Variants in CLEC2D observed in about 807,000 individuals in gnomAD.
The protein encoded by CLEC2D is C-type lectin domain family 2 member D.
A neutral mutation model predicts 20.0 loss-of-function variants in CLEC2D; 16 were observed. The ratio of observed to expected loss-of-function variants is 0.80; its 90% CI spans 0.54 to 1.22. The LOEUF (loss-of-function observed/expected upper bound fraction) is 1.22. Ranked by LOEUF, CLEC2D falls within the 50% of genes most tolerant of loss-of-function variation. The pLI is 0.00. For missense variants in CLEC2D, 207 were observed against 221.5 expected, an observed-to-expected ratio of 0.93 and a Z score of 0.42; for synonymous variants, 77 against 71.1, an observed-to-expected ratio of 1.08 and a Z score of -0.42.
rs1865994282 is a variant in CLEC2D, at chr12:9,696,372, A to G, written c.*1498A>G. 2.0e-6 allele frequency: 1 copy of G among 505,844 alleles called. No individual in the cohort carries two copies. The highest frequency in any genetic ancestry group is 1.9e-5 in the African/African-American group (1 of 52,338). 31.3% of individuals were successfully genotyped at this position (505,844 alleles called of 1,614,324 possible). A position where few individuals can be genotyped will look rare whatever the true frequency, so the allele number is the denominator to read the frequency against. ...TAAATGTTGTCCAGGTTCTATTGCC[A>G]AGAATGTGTTGTCCAAAATGCCTGT... On this transcript the variant is annotated 3_prime_UTR_variant, in exon 5 of 5. Coordinates refer to ENST00000290855, the MANE Select transcript of CLEC2D (RefSeq NM_013269.6).
chr12:9,675,960 T>G (rs1865513798), intron 1 of CLEC2D, among the ~76,000 whole-genome samples: 1 of 152,248 alleles, frequency 6.6e-6, no homozygotes, highest in South Asian at 2.1e-4. Flanking sequence ...TATAGAAAAG[T>G]GATTGACTTT....
chr12:9,679,175 T>C (rs1275603374), intron 1 of CLEC2D, among the ~76,000 whole-genome samples: 1 of 152,138 alleles, frequency 6.6e-6, no homozygotes, highest in African/African-American at 2.4e-5. Context: ...ATTAAATATA[T>C]TGCTACTATT....
chr12:9,697,892 C>A lies in CLEC2D; in HGVS notation c.*3018C>A, dbSNP rs1182078758. On this transcript the variant is annotated 3_prime_UTR_variant, in exon 5 of 5. Transcript: ENST00000290855. ...ATAGTATTGCACTGTGTACTGAAAA[C>A]TTGATGACAGATTTTAGATATTCTT... 6.6e-6 allele frequency: 1 copy of A among 151,956 alleles called. No homozygotes were observed. The highest frequency in any genetic ancestry group is 6.6e-5 in the Admixed American group (1 of 15,246). 9.4% of individuals were successfully genotyped at this position (151,956 alleles called of 1,614,324 possible).
At position 9,698,359 on chromosome 12, in the gene CLEC2D, CAT is replaced by C. The variant is rs1043204420; in HGVS notation, c.*3486_*3487del. 6.6e-6 allele frequency: 1 copy of C among 152,118 alleles called. No individual in the cohort carries two copies. Among genetic ancestry groups the C allele is most frequent in the African/African-American group, 2.4e-5 (1 of 41,406 alleles). 9.4% of individuals were successfully genotyped at this position (152,118 alleles called of 1,614,324 possible). A position where few individuals can be genotyped will look rare whatever the true frequency, so the allele number is the denominator to read the frequency against. On this transcript the variant is annotated 3_prime_UTR_variant, in exon 5 of 5. Coordinates refer to ENST00000290855, the MANE Select transcript of CLEC2D (RefSeq NM_013269.6). Reference sequence around the variant, plus strand: ...TTAACTGAAACCTACTACCCTGTGACATGTGGGGAACATCTCTCTATTCCCCA... The same window carrying C: ...TTAACTGAAACCTACTACCCTGTGACGTGGGGAACATCTCTCTATTCCCCA...
chr12:9,696,252 G>A lies in CLEC2D; in HGVS notation c.*1378G>A. ...TTTAAGAAAATAGTTTAAACAATTT[G>A]TTAAAAATTTTCCATCTTATTTCAT... is the stretch of plus-strand genomic sequence containing the variant. On this transcript the variant is annotated 3_prime_UTR_variant, in exon 5 of 5. Transcript: ENST00000290855. 2.5e-6 allele frequency: 2 copies of A among 791,592 alleles called. No individual in the cohort carries two copies. Among genetic ancestry groups the A allele is most frequent in the Non-Finnish European group, 2.2e-6 (1 of 451,698 alleles). The allele number at this position is 791,592 out of a possible 1,614,324, so 49.0% of individuals were successfully genotyped here.
At chr12:9,672,183 GA>G (rs1865438048) in intron 1 of CLEC2D, among the ~76,000 whole-genome samples, 2 of 151,202 alleles carry the variant, frequency 1.3e-5, no homozygotes, top group African/African-American at 4.9e-5. Flanking sequence ...AAGAAAGAGA[GA>G]GAGCAAGAGG....
chr12:9,679,672 C>A (rs1272030958), intron 1 of CLEC2D, among the ~76,000 whole-genome samples: 1 of 152,108 alleles, frequency 6.6e-6, no homozygotes, highest in Admixed American at 6.6e-5. Flanking sequence ...GTATTTCTGT[C>A]AACTTAAACT....
Position 9,696,249 on chromosome 12 carries a change from T to C in CLEC2D, c.*1375T>C. 1 of 798,396 alleles carries C rather than the reference T, an allele frequency of 1.3e-6. No individual in the cohort carries two copies. Among genetic ancestry groups the C allele is most frequent in the Admixed American group, 1.7e-5 (1 of 57,600 alleles). 49.5% of individuals were successfully genotyped at this position (798,396 alleles called of 1,614,324 possible). On this transcript the variant is annotated 3_prime_UTR_variant, in exon 5 of 5. Coordinates refer to ENST00000290855, the MANE Select transcript of CLEC2D (RefSeq NM_013269.6). ...CTCTTTAAGAAAATAGTTTAAACAA[T>C]TTGTTAAAAATTTTCCATCTTATTT... is the stretch of plus-strand genomic sequence containing the variant.
At position 9,673,858 on chromosome 12, in the gene CLEC2D, C is replaced by T. The variant is rs779432268; in HGVS notation, c.61+4063C>T. 4.6e-5 allele frequency: 7 copies of T among 152,484 alleles called. 1 individual carries two copies. The South Asian group carries it at 1.4e-3, about 32-fold the overall frequency. The allele number at this position is 152,484 out of a possible 1,614,324, so 9.4% of individuals were successfully genotyped here. On this transcript the variant is annotated intron_variant, in intron 1 of 4. Coordinates refer to ENST00000290855, the MANE Select transcript of CLEC2D (RefSeq NM_013269.6). ...GCCAGTTTGCTGCACTGTGGGAAATCTGGCCCAGTCCAAACCTCTCAGGCT... is the reference window on the plus strand; with the variant it reads ...GCCAGTTTGCTGCACTGTGGGAAATTTGGCCCAGTCCAAACCTCTCAGGCT...
chr12:9,677,991 G>C (rs1200218121), intron 1 of CLEC2D, among the ~76,000 whole-genome samples: 2 of 151,960 alleles, frequency 1.3e-5, no homozygotes, highest in South Asian at 2.1e-4. Flanking sequence ...CCAAAGTGCT[G>C]AGATTACAGT....
chr12:9,672,060 T>G (rs1263324955), intron 1 of CLEC2D, among the ~76,000 whole-genome samples: 1 of 152,166 alleles, frequency 6.6e-6, no homozygotes, highest in Non-Finnish European at 1.5e-5. Flanking sequence ...TAATTTATAA[T>G]GAACAAAATC....
In CLEC2D at chr12:9,692,935, A is replaced by T. The variant is rs374205212; in HGVS notation, c.461+4A>T. On this transcript the variant is annotated splice_donor_region_variant and intron_variant, in intron 4 of 4. Coordinates refer to ENST00000290855, the MANE Select transcript of CLEC2D (RefSeq NM_013269.6). ...ATGGTACTGAATGGACAAGACAGTA[A>T]GTTCTAAAAATCTGGCAGTAATATT... is the stretch of plus-strand genomic sequence containing the variant. The T allele has an allele frequency of 1.2e-6, 2 of 1,608,816 alleles. No individual in the cohort carries two copies. Among genetic ancestry groups the T allele is most frequent in the Non-Finnish European group, 1.7e-6 (2 of 1,175,500 alleles).
intron 2 of CLEC2D, 34 bp downstream of exon 2, chr12:9,681,067 G>T (rs1220436111): frequency 9.5e-7 from 1 of 1,054,884 alleles, no homozygotes; most frequent in Non-Finnish European, 1.4e-6. Flanking sequence ...CATCTAGAGA[G>T]AATTATACTT....
At chr12:9,673,044 C>G (rs1327220090) in intron 1 of CLEC2D, among the ~76,000 whole-genome samples, 1 of 152,154 alleles carries the variant, frequency 6.6e-6, no homozygotes, top group Non-Finnish European at 1.5e-5. Flanking sequence ...TTATTACCAA[C>G]TTTCTGAAGC....
At chr12:9,677,899 C>T (rs983957168) in intron 1 of CLEC2D, among the ~76,000 whole-genome samples, 3 of 151,726 alleles carry the variant, frequency 2.0e-5, no homozygotes, top group Non-Finnish European at 4.4e-5. Flanking sequence ...TCATTTTTGT[C>T]TTTTTGTAGA....
intron 4 of CLEC2D, chr12:9,693,930 T>C: frequency 2.9e-6 from 1 of 347,110 alleles, no homozygotes; most frequent in Non-Finnish European, 5.6e-6. Context: ...CTCAGCCTCC[T>C]GAGTAGCTGG....
intron 2 of CLEC2D, among the ~76,000 whole-genome samples, chr12:9,682,038 T>A (rs1324160885): frequency 6.6e-6 from 1 of 152,190 alleles, no homozygotes; most frequent in Non-Finnish European, 1.5e-5. Context: ...TATAGCTCTT[T>A]TTTTTACAGT....
At position 9,696,118 on chromosome 12, in the gene CLEC2D, C is replaced by T. The variant is rs536061318; in HGVS notation, c.*1244C>T. On this transcript the variant is annotated 3_prime_UTR_variant, in exon 5 of 5. Coordinates refer to ENST00000290855, the MANE Select transcript of CLEC2D (RefSeq NM_013269.6). The stretch of plus-strand genomic sequence containing the variant: ...AAAAATGCAAGCAAGTATAGAAAAA[C>T]GTGGTTCTCTTCCCAAAGTGGAAAC... 264 of 1,013,380 alleles carry T rather than the reference C, an allele frequency of 2.6e-4. No individual in the cohort carries two copies. The highest frequency in any genetic ancestry group is 3.4e-4 in the Non-Finnish European group (221 of 647,896). 62.8% of individuals were successfully genotyped at this position (1,013,380 alleles called of 1,614,324 possible). A position where few individuals can be genotyped will look rare whatever the true frequency, so the allele number is the denominator to read the frequency against.
rs1866033756 is a variant in CLEC2D at position 9,697,835 on chromosome 12, C to A, written c.*2961C>A. On this transcript the variant is annotated 3_prime_UTR_variant, in exon 5 of 5. Coordinates refer to ENST00000290855, the MANE Select transcript of CLEC2D (RefSeq NM_013269.6). ...TTGCAGTTACAAAGGGTGAGTATGT[C>A]TAGATATCTAACATACAGTATGAGG... The A allele has an allele frequency of 6.6e-6, 1 of 152,076 alleles. No homozygotes were observed. Among genetic ancestry groups the A allele is most frequent in the East Asian group, 1.9e-4 (1 of 5,192 alleles). The allele number at this position is 152,076 out of a possible 1,614,324, so 9.4% of individuals were successfully genotyped here.
Sources: gnomAD v4.1 joint callset for allele counts (sites outside exome capture counted in the v4.1 genomes callset) on GRCh38, gnomAD v4.1.1 for gene constraint, MANE v1.5 for transcripts, NCBI Gene and HGNC (gene_info 2026-07-23, HGNC 2026-07-21) for gene names.